Variants in RNF157 observed in about 807,000 individuals in gnomAD.
The protein encoded by RNF157 is ring finger protein 157, also known as E3 ubiquitin ligase RNF157.
A neutral mutation model predicts 88.3 loss-of-function variants in RNF157; 55 were observed. That is an observed-to-expected ratio of 0.62 (90% CI 0.50 to 0.78). The LOEUF is 0.78. Among genes scored for constraint, RNF157 ranks in the 30% least tolerant of loss-of-function variants. RNF157 has a pLI of 0.00. For synonymous variants in RNF157, 334 were observed against 341.2 expected, an observed-to-expected ratio of 0.98 and a Z score of 0.23; for missense variants, 788 against 860.8, an observed-to-expected ratio of 0.92 and a Z score of 1.06.
chr17:76,168,293 TC>T (rs2068959846), intron 3 of RNF157, among the ~76,000 whole-genome samples: 1 of 152,134 alleles, frequency 6.6e-6, no homozygotes, highest in African/African-American at 2.4e-5. Flanking sequence ...AACTCCGCCA[TC>T]CCCCCAGTGT....
At chr17:76,203,412 A>T (rs1172732548) in intron 2 of RNF157, among the ~76,000 whole-genome samples, 1 of 151,816 alleles carries the variant, frequency 6.6e-6, no homozygotes, top group Non-Finnish European at 1.5e-5. Flanking sequence ...AAAGCCATTC[A>T]TGACTATGAC....
chr17:76,149,529 C>T (rs774723666), intron 18 of RNF157, among the ~76,000 whole-genome samples: 3 of 152,086 alleles, frequency 2.0e-5, no homozygotes, highest in Non-Finnish European at 4.4e-5. Flanking sequence ...CCTATTTATT[C>T]CACGGGACCT....
Position 76,220,430 on chromosome 17 carries a change from A to G in RNF157, c.89-7948T>C, listed in dbSNP as rs112873016. On this transcript the variant is annotated intron_variant, in intron 1 of 18. Transcript: ENST00000269391. The stretch of plus-strand genomic sequence containing the variant: ...GGTTACCTTTGAAGGATGCTAGTAA[A>G]CCAATTCATTATTTTGGAAACTAGC... Among the ~76,000 whole-genome samples the G allele has an allele frequency of 7.7e-3, 1,175 of 151,966 alleles. 6 individuals are homozygous for G. The highest frequency in any genetic ancestry group is 0.012 in the Non-Finnish European group (823 of 67,960).
At position 76,156,315 on chromosome 17, in the gene RNF157, C is replaced by T. The variant is rs2068763195; in HGVS notation, c.1420G>A (p.Gly474Ser). 2 of 1,614,060 alleles carry T rather than the reference C, an allele frequency of 1.2e-6. No individual in the cohort carries two copies. The highest frequency in any genetic ancestry group is 1.1e-5 in the South Asian group (1 of 91,078). The part of the protein sequence containing the change: ...PSVQHLGEEC[G>S]VTPESENLTL... ...AGATTCTCACTTTCTGGAGTCACAC[C>T]ACATTCCTGGGGGTTGTGGGGGGAC... Residue 474 changes from glycine to serine, a missense_variant, in exon 14 of 19, where the codon GGT becomes AGT. By Grantham distance (56) the Gly-to-Ser change is moderately conservative (BLOSUM62 0). Coordinates refer to ENST00000269391, the MANE Select transcript of RNF157 (RefSeq NM_052916.3).
chr17:76,233,490 TGTCTTCTTTTAGGG>T (rs1271080669), intron 1 of RNF157, among the ~76,000 whole-genome samples: 1 of 152,166 alleles, frequency 6.6e-6, no homozygotes, highest in Non-Finnish European at 1.5e-5. Flanking sequence ...TTTTCTCCTA[TGTCTTCTTTTAGGG>T]GTTTCATTGT....
intron 2 of RNF157, among the ~76,000 whole-genome samples, chr17:76,207,284 G>T (rs2069697362): frequency 6.6e-6 from 1 of 152,176 alleles, no homozygotes; most frequent in South Asian, 2.1e-4. Context: ...TTAGCCCAGT[G>T]TAGTAGCATG....
rs776418539 is a variant in RNF157, at chr17:76,158,433, G to C, written c.1373C>G (p.Thr458Arg). 8 of 1,613,880 alleles carry C rather than the reference G, an allele frequency of 5.0e-6. No individual in the cohort carries two copies. Among genetic ancestry groups the C allele is most frequent in the Non-Finnish European group, 6.8e-6 (8 of 1,179,882 alleles). The stretch of plus-strand genomic sequence containing the variant: ...AACCGACGGTCTCTGAGAGAGCTGT[G>C]TCTCCGACTCGCTGCAGGAATGCTC... ...EDEHSCSESETQLSQRPSVQH... is the reference protein window; with the variant it reads ...EDEHSCSESERQLSQRPSVQH... Residue 458 changes from threonine to arginine, a missense_variant, in exon 13 of 19, where the codon ACA becomes AGA. Coordinates refer to ENST00000269391, the MANE Select transcript of RNF157 (RefSeq NM_052916.3).
intron 14 of RNF157, 143 bp from the exon 15 acceptor site, chr17:76,155,877 G>A: frequency 1.4e-6 from 1 of 738,108 alleles, no homozygotes; most frequent in South Asian, 2.2e-5. Flanking sequence ...AGTGGTTTTA[G>A]GTTTATGGTT....
Position 76,146,901 on chromosome 17 carries a change from A to T in RNF157, c.1922-1548T>A. The T allele has an allele frequency of 1.0e-6, 1 of 985,360 alleles. No individual in the cohort carries two copies. The highest frequency in any genetic ancestry group is 1.1e-4 in the East Asian group (1 of 8,830). The allele number at this position is 985,360 out of a possible 1,614,324, so 61.0% of individuals were successfully genotyped here. On this transcript the variant is annotated intron_variant, in intron 18 of 18. Transcript: ENST00000269391. The surrounding 1 kb of genome is among the most constrained non-coding windows in gnomAD (Gnocchi z 4.2). Reference sequence around the variant, plus strand: ...GGTCAGCCTCAGGCCAGCCCAGGACATGAAACCCTTTAATGGCATGTAGAG... The same window carrying T: ...GGTCAGCCTCAGGCCAGCCCAGGACTTGAAACCCTTTAATGGCATGTAGAG...
intron 8 of RNF157, 186 bp downstream of exon 8, chr17:76,164,562 T>C (rs1421689066): frequency 4.9e-6 from 2 of 406,378 alleles, no homozygotes; most frequent in African/African-American, 2.1e-5. Flanking sequence ...TCGTTTGTAA[T>C]AGCTTGTAAC....
At chr17:76,227,832 G>C (rs1193740198) in intron 1 of RNF157, among the ~76,000 whole-genome samples, 1 of 152,044 alleles carries the variant, frequency 6.6e-6, no homozygotes, top group East Asian at 1.9e-4. Flanking sequence ...AGCCAAGATC[G>C]CCCCATTGCA....
intron 1 of RNF157, among the ~76,000 whole-genome samples, chr17:76,230,892 GAA>G (rs1446807865): frequency 7.3e-6 from 1 of 136,996 alleles, no homozygotes; most frequent in Non-Finnish European, 1.6e-5. Context: ...GAGAAAGAGA[GAA>G]AGAGAGAGAG....
intron 1 of RNF157, among the ~76,000 whole-genome samples, chr17:76,230,814 G>A (rs2070172917): frequency 7.8e-6 from 1 of 128,196 alleles, no homozygotes; most frequent in African/African-American, 3.1e-5. Context: ...CTCCAGCCTG[G>A]GCGAAAGAAC....
chr17:76,167,688 A>T lies in RNF157; in HGVS notation c.406T>A (p.Tyr136Asn). Residue 136 changes from tyrosine to asparagine, a missense_variant, in exon 4 of 19, where the codon TAC (tyrosine) becomes AAC (asparagine). By Grantham distance (143) the Tyr-to-Asn change is moderately radical. Coordinates refer to ENST00000269391, the MANE Select transcript of RNF157 (RefSeq NM_052916.3). ...TDARVAITIY[Y>N]QATEEFQNGI... ...TTCTGGAACTCTTCCGTGGCCTGGT[A>T]ATAGATGGTGATGGCTACCCGAGCA... The T allele has an allele frequency of 6.2e-7, 1 of 1,614,150 alleles. No individual in the cohort carries two copies. Among genetic ancestry groups the T allele is most frequent in the Non-Finnish European group, 8.5e-7 (1 of 1,180,034 alleles).
At chr17:76,172,835 G>A (rs1237516373) in intron 3 of RNF157, among the ~76,000 whole-genome samples, 1 of 151,968 alleles carries the variant, frequency 6.6e-6, no homozygotes, top group African/African-American at 2.4e-5. Context: ...ATCTAGGGGT[G>A]GCGGGCAGTG....
At chr17:76,185,126 T>C (rs1007071356) in intron 2 of RNF157, among the ~76,000 whole-genome samples, 39 of 152,190 alleles carry the variant, frequency 2.6e-4, no homozygotes, top group Non-Finnish European at 5.4e-4. Context: ...TGTTTGAGAA[T>C]ACTGAGACTG....
At position 76,146,853 on chromosome 17, in the gene RNF157, A is replaced by G; in HGVS notation, c.1922-1500T>C. ...TGTAGAGTGTGGCCGTGAGGTTGAGAGAGGCCACTCACAAGTGTCCAGGGT... is the reference window on the plus strand; with the variant it reads ...TGTAGAGTGTGGCCGTGAGGTTGAGGGAGGCCACTCACAAGTGTCCAGGGT... On this transcript the variant is annotated intron_variant, in intron 18 of 18. Transcript: ENST00000269391. This position sits in a 1 kb window ranked among gnomAD's most constrained non-coding sequence, Gnocchi z 4.2. The G allele has an allele frequency of 1.0e-6, 1 of 985,458 alleles. No individual in the cohort carries two copies. The highest frequency in any genetic ancestry group is 1.2e-6 in the Non-Finnish European group (1 of 829,926). The allele number at this position is 985,458 out of a possible 1,614,324, so 61.0% of individuals were successfully genotyped here. A position where few individuals can be genotyped will look rare whatever the true frequency, so the allele number is the denominator to read the frequency against.
chr17:76,156,513 C>G, intron 13 of RNF157, 192 bp from the exon 14 acceptor site: 1 of 1,411,794 alleles, frequency 7.1e-7, no homozygotes. Flanking sequence ...TGACTGCCTC[C>G]CAGGGGAGGC....
In RNF157 at chr17:76,145,364, G is replaced by A. The variant is rs1431933998; in HGVS notation, c.1922-11C>T. On this transcript the variant is annotated splice_polypyrimidine_tract_variant and intron_variant, in intron 18 of 18. Coordinates refer to ENST00000269391, the MANE Select transcript of RNF157 (RefSeq NM_052916.3). The stretch of plus-strand genomic sequence containing the variant: ...CAGCCTGCCAGGCACCTGGGGAAGA[G>A]AAAATGAACATTACAGGAGCCAGAC... 1 of 1,603,522 alleles carries A rather than the reference G, an allele frequency of 6.2e-7. No homozygotes were observed. Among genetic ancestry groups the A allele is most frequent in the Non-Finnish European group, 8.5e-7 (1 of 1,171,570 alleles).
Sources: gnomAD v4.1 joint callset for allele counts (sites outside exome capture counted in the v4.1 genomes callset) on GRCh38, gnomAD v4.1.1 for gene constraint, Gnocchi (gnomAD v3.1) non-coding constraint, MANE v1.5 for transcripts, NCBI Gene and HGNC (gene_info 2026-07-23, HGNC 2026-07-21) for gene names.